Variants in HDAC8 observed in about 807,000 individuals in gnomAD.
HDAC8 encodes the protein histone deacetylase-like 1.
HDAC8 carries 1 observed loss-of-function variant against 32.2 expected under a neutral mutation model. That is an observed-to-expected ratio of 0.03 (90% CI 0.01 to 0.15). HDAC8 has a LOEUF of 0.15. Ranked by LOEUF, HDAC8 falls within the 10% of genes least tolerant of loss-of-function variation. The pLI is 1.00. For synonymous variants in HDAC8, 108 were observed against 113.9 expected, an observed-to-expected ratio of 0.95 and a Z score of 0.33; for missense variants, 117 against 300.0, an observed-to-expected ratio of 0.39 and a Z score of 4.51.
chrX:72,355,721 C>T (rs1365115638), intron 9 of HDAC8, among the ~76,000 whole-genome samples: 12 of 111,866 alleles, frequency 1.1e-4, no homozygotes, highest in African/African-American at 3.6e-4. Flanking sequence ...ACAGTGAAAG[C>T]GGCATACAAT....
At chrX:72,453,098 C>G (rs1221559073) in intron 9 of HDAC8, among the ~76,000 whole-genome samples, 1 of 104,529 alleles carries the variant, frequency 9.6e-6, no homozygotes, top group African/African-American at 3.5e-5. Flanking sequence ...AACTTGAAGG[C>G]AAAGCAATGG....
At chrX:72,346,715 T>G in intron 10 of HDAC8, among the ~76,000 whole-genome samples, 2 of 108,767 alleles carry the variant, frequency 1.8e-5, no homozygotes, top group Middle Eastern at 4.7e-3. Context: ...TGTCCATTTC[T>G]TTTCCTTCTC....
intron 10 of HDAC8, among the ~76,000 whole-genome samples, chrX:72,348,911 T>C (rs2044100566): frequency 8.9e-6 from 1 of 111,890 alleles, no homozygotes; most frequent in Admixed American, 9.4e-5. Flanking sequence ...GGAAGGAGCC[T>C]TAACAGCAAT....
chrX:72,482,631 A>G (rs797030323), intron 7 of HDAC8, among the ~76,000 whole-genome samples: 2 of 110,829 alleles, frequency 1.8e-5, no homozygotes, highest in South Asian at 7.8e-4. Context: ...CAATCCCCTG[A>G]GATAAAGTTT....
intron 9 of HDAC8, among the ~76,000 whole-genome samples, chrX:72,437,138 C>T (rs911552908): frequency 2.7e-5 from 3 of 111,270 alleles, no homozygotes; most frequent in Non-Finnish European, 5.7e-5. Flanking sequence ...ACTGAGGTAC[C>T]TGGCTCATCT....
In HDAC8 at chrX:72,330,096, C is replaced by A; in HGVS notation, c.1112-20G>T. ...GATTCCCTGCAAACAGGGGAGAAAA[C>A]AAAATTCAAAGTCAGGTAATGTATG... On this transcript the variant is annotated intron_variant, in intron 10 of 10. Transcript: ENST00000373573. 8.4e-7 allele frequency: 1 copy of A among 1,188,359 alleles called. No individual in the cohort carries two copies. Among genetic ancestry groups the A allele is most frequent in the Non-Finnish European group, 1.1e-6 (1 of 874,618 alleles).
At chrX:72,525,808 T>C (rs1387041489) in intron 4 of HDAC8, among the ~76,000 whole-genome samples, 2 of 47,374 alleles carry the variant, frequency 4.2e-5, no homozygotes, top group Non-Finnish European at 6.6e-5. Flanking sequence ...AGCGAGACTC[T>C]GTCTCAAAAA....
intron 4 of HDAC8, among the ~76,000 whole-genome samples, chrX:72,559,168 C>A (rs2051405929): frequency 9.8e-6 from 1 of 102,209 alleles, no homozygotes; most frequent in Non-Finnish European, 2.0e-5. Context: ...CTGCAACCTC[C>A]CTGCCTGATT....
chrX:72,331,979 C>T lies in HDAC8; in HGVS notation c.1112-1903G>A, dbSNP rs781888721. Among the ~76,000 whole-genome samples the T allele has an allele frequency of 3.6e-5, 4 of 112,386 alleles. No homozygotes were observed. The South Asian group carries it at 1.5e-3, about 41-fold the overall frequency. On this transcript the variant is annotated intron_variant, in intron 10 of 10. Transcript: ENST00000373573. The stretch of plus-strand genomic sequence containing the variant: ...TCCCAACAACCATTCATCTGTTATC[C>T]TTCTCTAAAATTTGGTCATTTTGAG...
chrX:72,465,444 C>T (rs2047993479), intron 7 of HDAC8, among the ~76,000 whole-genome samples: 1 of 107,897 alleles, frequency 9.3e-6, no homozygotes, highest in Admixed American at 9.9e-5. Context: ...TTTGATAGAA[C>T]CCTTGTAGAT....
At chrX:72,415,359 AGAGT>A (rs1251088706) in intron 9 of HDAC8, among the ~76,000 whole-genome samples, 23 of 112,376 alleles carry the variant, frequency 2.0e-4, no homozygotes, top group Admixed American at 1.7e-3. Context: ...TAAAATTGGT[AGAGT>A]GAGTCCTCCT....
intron 7 of HDAC8, among the ~76,000 whole-genome samples, chrX:72,464,980 CTGTTT>C (rs2047977682): frequency 8.9e-6 from 1 of 112,043 alleles, no homozygotes; most frequent in Non-Finnish European, 1.9e-5. Flanking sequence ...ATCTGCCCTT[CTGTTT>C]TAAAATTCAG....
At position 72,549,702 on chromosome X, in the gene HDAC8, A is replaced by G. The variant is rs2051000017; in HGVS notation, c.437+18187T>C. Among the ~76,000 whole-genome samples, 7 of 111,953 alleles carry G rather than the reference A, an allele frequency of 6.3e-5. No homozygotes were observed. The Admixed American group carries it at 6.6e-4, about 11-fold the overall frequency. ...AGGCTTCTTAGTTAATGGCAACATA[A>G]TTTAATCATCTATACAAGAAATCTA... On this transcript the variant is annotated intron_variant, in intron 4 of 10. Coordinates refer to ENST00000373573, the MANE Select transcript of HDAC8 (RefSeq NM_018486.3).
At chrX:72,513,807 G>C (rs1556023255) in intron 4 of HDAC8, among the ~76,000 whole-genome samples, 2 of 111,352 alleles carry the variant, frequency 1.8e-5, no homozygotes, top group African/African-American at 6.5e-5. Flanking sequence ...AAATGTACTG[G>C]TCAGTACCAA....
At chrX:72,484,445 C>T (rs2048607013) in intron 7 of HDAC8, among the ~76,000 whole-genome samples, 1 of 112,010 alleles carries the variant, frequency 8.9e-6, no homozygotes, top group Admixed American at 9.4e-5. Flanking sequence ...GGTGAAATTA[C>T]TAAGCTGAAT....
chrX:72,449,151 T>A (rs2047503636), intron 9 of HDAC8, among the ~76,000 whole-genome samples: 1 of 112,213 alleles, frequency 8.9e-6, no homozygotes, highest in African/African-American at 3.2e-5. Context: ...GCAGTACTAT[T>A]CACAATAGGA....
intron 10 of HDAC8, among the ~76,000 whole-genome samples, chrX:72,335,700 C>T (rs2043663787): frequency 1.8e-5 from 2 of 110,460 alleles, no homozygotes; most frequent in African/African-American, 3.3e-5. Context: ...CACTTGAGGC[C>T]AGGAGTTCAA....
At chrX:72,565,579 A>G (rs1328813682) in intron 4 of HDAC8, among the ~76,000 whole-genome samples, 1 of 112,203 alleles carries the variant, frequency 8.9e-6, no homozygotes, top group Non-Finnish European at 1.9e-5. Flanking sequence ...TTTGGCAGCA[A>G]AACAGTAATA....
At chrX:72,482,137 G>A (rs781818506) in intron 7 of HDAC8, among the ~76,000 whole-genome samples, 2 of 111,676 alleles carry the variant, frequency 1.8e-5, no homozygotes, top group Non-Finnish European at 3.8e-5. Context: ...TAGCATGGAT[G>A]GAGAATCTCT....
Sources: allele counts gnomAD v4.1 joint callset (sites outside exome capture counted in the v4.1 genomes callset), GRCh38; gene constraint gnomAD v4.1.1; transcripts MANE v1.5; gene names NCBI Gene and HGNC (gene_info 2026-07-23, HGNC 2026-07-21).